The following FRMPD2 variants were observed in gnomAD, a reference collection of about 807,000 sequenced individuals.
FRMPD2 encodes FERM and PDZ domain-containing protein 2.
A neutral mutation model predicts 140.1 loss-of-function variants in FRMPD2; 96 were observed. The ratio of observed to expected loss-of-function variants is 0.69; its 90% CI spans 0.58 to 0.81. The LOEUF (loss-of-function observed/expected upper bound fraction) is 0.81. FRMPD2 is among the 40% of genes least tolerant of loss of function. FRMPD2 has a pLI of 0.00. For synonymous variants in FRMPD2, 449 were observed against 547.6 expected (o/e 0.82, Z 2.52); for missense variants, 1,240 against 1,447.4 (o/e 0.86, Z 2.32).
At chr10:48,228,311 T>C (rs185423236) in intron 10 of FRMPD2, among the ~76,000 whole-genome samples, 20 of 151,906 alleles carry the variant, frequency 1.3e-4, no homozygotes, top group Non-Finnish European at 2.8e-4. Context: ...GATTATGTTT[T>C]ATAAGATATA....
chr10:48,274,218 C>A (rs1012674897), intron 1 of FRMPD2, among the ~76,000 whole-genome samples: 6 of 152,106 alleles, frequency 3.9e-5, no homozygotes, highest in African/African-American at 1.4e-4. Context: ...GTAAGAAAAA[C>A]GAGTCTTAGG....
chr10:48,187,376 C>A, intron 16 of FRMPD2, 84 bp from the exon 17 acceptor site: 5 of 1,141,840 alleles, frequency 4.4e-6, no homozygotes, highest in Non-Finnish European at 5.2e-6. Flanking sequence ...AGGGAGGCAA[C>A]TTCTTGGCAT....
chr10:48,257,515 A>T (rs1840512301), intron 1 of FRMPD2, among the ~76,000 whole-genome samples: 1 of 152,042 alleles, frequency 6.6e-6, no homozygotes, highest in Non-Finnish European at 1.5e-5. Flanking sequence ...CCTCACCTCA[A>T]GTGATCCGCT....
intron 21 of FRMPD2, among the ~76,000 whole-genome samples, chr10:48,178,481 A>G (rs1398794807): frequency 2.0e-5 from 3 of 152,176 alleles, no homozygotes; most frequent in Non-Finnish European, 4.4e-5. Flanking sequence ...TCTAATCACC[A>G]TGAATGTTAG....
At chr10:48,249,423 T>C (rs751226218) in intron 2 of FRMPD2, among the ~76,000 whole-genome samples, 1 of 152,154 alleles carries the variant, frequency 6.6e-6, no homozygotes, top group Non-Finnish European at 1.5e-5. Flanking sequence ...CCCAAGAGTC[T>C]CAAGGTAAAA....
chr10:48,252,357 C>T (rs1840404863), intron 1 of FRMPD2, among the ~76,000 whole-genome samples: 1 of 152,166 alleles, frequency 6.6e-6, no homozygotes, highest in Non-Finnish European at 1.5e-5. Context: ...TGTCTATCTC[C>T]CTGACAAAGC....
chr10:48,174,529 G>A (rs563651616), intron 24 of FRMPD2, among the ~76,000 whole-genome samples: 4,556 of 151,754 alleles, frequency 0.03, 209 homozygotes, highest in African/African-American at 0.1. Context: ...CAGGGCCAGC[G>A]GGGCTGGGGC....
intron 15 of FRMPD2, among the ~76,000 whole-genome samples, chr10:48,193,949 G>A (rs993878034): frequency 6.6e-6 from 1 of 152,150 alleles, no homozygotes; most frequent in African/African-American, 2.4e-5. Context: ...GCATGCATGA[G>A]GCACTATGGT....
Position 48,206,842 on chromosome 10 carries a change from C to T in FRMPD2, c.1703G>A (p.Cys568Tyr). The T allele has an allele frequency of 6.2e-7, 1 of 1,613,988 alleles. No homozygotes were observed. The highest frequency in any genetic ancestry group is 8.5e-7 in the Non-Finnish European group (1 of 1,179,854). ...TTCATAGACTATGACACCCTTGGCA[C>T]AGATCCCCAGGGCCATCTCCTCTTC... Reference protein sequence around the residue: ...RPEEEMALGICAKGVIVYEVK... With the variant: ...RPEEEMALGIYAKGVIVYEVK... The change falls in exon 14 of 29, where the codon TGT (cysteine) becomes TAT (tyrosine). Residue 568 changes from cysteine to tyrosine, a missense_variant. Physicochemically the swap from Cys to Tyr is radical, Grantham distance 194 (BLOSUM62 -2). Transcript: ENST00000374201.
chr10:48,266,683 A>T (rs540839599), intron 1 of FRMPD2, among the ~76,000 whole-genome samples: 1 of 152,378 alleles, frequency 6.6e-6, no homozygotes, highest in South Asian at 2.1e-4. Context: ...TTTCTTCCAC[A>T]CAGTCAGTTC....
intron 12 of FRMPD2, among the ~76,000 whole-genome samples, chr10:48,222,028 G>GGATA (rs1691924995): frequency 1.5e-5 from 2 of 131,760 alleles, no homozygotes; most frequent in African/African-American, 5.6e-5. Flanking sequence ...ATGGATAGAT[G>GGATA]GATGGATATA....
Position 48,206,785 on chromosome 10 carries a change from C to A in FRMPD2, c.1760G>T (p.Arg587Leu), listed in dbSNP as rs537706878. Residue 587 changes from arginine (R) to leucine (L), a missense_variant, in exon 14 of 29, where the codon CGG becomes CTG. Arg to Leu is a moderately radical substitution (Grantham distance 102). This residue lies in a region of FRMPD2 where 1,161 missense variants were observed against 1,055.9 expected (regional missense o/e 1.10). Coordinates refer to ENST00000374201, the MANE Select transcript of FRMPD2 (RefSeq NM_001018071.4). ...VKNNSRIAML[R>L]FQWRETGKIS... is the part of the protein sequence containing the mutation. ...CTTCCCGGTTTCTCTCCACTGAAAC[C>A]GTAACATTGCAATTCTGCTGTTGTT... 1.2e-6 allele frequency: 2 copies of A among 1,613,936 alleles called. No homozygotes were observed. The highest frequency in any genetic ancestry group is 2.7e-5 in the African/African-American group (2 of 74,908).
intron 23 of FRMPD2, 124 bp downstream of exon 23, chr10:48,175,722 C>A: frequency 1.5e-6 from 1 of 678,116 alleles, no homozygotes; most frequent in South Asian, 1.7e-5. Flanking sequence ...CCTGGGGAGG[C>A]AATCATTTGC....
At chr10:48,246,212 C>T (rs1167805322) in intron 3 of FRMPD2, among the ~76,000 whole-genome samples, 1 of 152,208 alleles carries the variant, frequency 6.6e-6, no homozygotes, top group Non-Finnish European at 1.5e-5. Context: ...CAAGGCTGGT[C>T]TTCCCACACG....
chr10:48,215,927 A>G (rs1438128286), intron 12 of FRMPD2, among the ~76,000 whole-genome samples: 1 of 152,206 alleles, frequency 6.6e-6, no homozygotes, highest in African/African-American at 2.4e-5. Flanking sequence ...CATGACTGAC[A>G]GTTAAATCCA....
chr10:48,253,143 C>T (rs962655967), intron 1 of FRMPD2, among the ~76,000 whole-genome samples: 17 of 152,126 alleles, frequency 1.1e-4, no homozygotes, highest in Admixed American at 7.2e-4. Context: ...GACAAAAATG[C>T]ATTAAAAGTC....
chr10:48,245,093 G>T (rs1206099576), intron 3 of FRMPD2, among the ~76,000 whole-genome samples: 2 of 152,192 alleles, frequency 1.3e-5, no homozygotes, highest in East Asian at 3.9e-4. Context: ...CTGTTAGGGG[G>T]CTTCTGATAA....
Position 48,184,801 on chromosome 10 carries a change from C to G in FRMPD2, c.2440G>C (p.Ala814Pro). The change falls in exon 19 of 29, where the codon GCA (alanine) becomes CCA (proline). Residue 814 changes from alanine to proline, a missense_variant. Around this residue, in one of 6 missense-constraint regions of FRMPD2, gnomAD observed 1,161 missense variants for 1,055.9 expected, o/e 1.10. Coordinates refer to ENST00000374201, the MANE Select transcript of FRMPD2 (RefSeq NM_001018071.4). ...GGTTTGATCGTTTTTGCTTTTTCTG[C>G]TGGTCCTCCAGGTATAATAGAAGAT... is the stretch of plus-strand genomic sequence containing the variant. ...FISSIIPGGP[A>P]EKAKTIKPGG... 1 of 1,613,602 alleles carries G rather than the reference C, an allele frequency of 6.2e-7. No homozygotes were observed. The highest frequency in any genetic ancestry group is 8.5e-7 in the Non-Finnish European group (1 of 1,179,822).
rs1288179996 is a variant in FRMPD2 at position 48,251,733 on chromosome 10, C to G, written c.26-42G>C. On this transcript the variant is annotated intron_variant, in intron 1 of 28. Coordinates refer to ENST00000374201, the MANE Select transcript of FRMPD2 (RefSeq NM_001018071.4). ...CATGTGACAGGGCCTCTGCAATGTC[C>G]AGGAACATGTCCGGGCCCGTACTCG... 30 of 1,609,844 alleles carry G rather than the reference C, an allele frequency of 1.9e-5. 1 individual carries two copies. Among genetic ancestry groups the G allele is most frequent in the Non-Finnish European group, 2.5e-5 (29 of 1,176,662 alleles).
Sources: gnomAD v4.1 joint callset for allele counts (sites outside exome capture counted in the v4.1 genomes callset) on GRCh38, gnomAD v4.1.1 for gene constraint, gnomAD v4.1.1 regional missense constraint, MANE v1.5 for transcripts, NCBI Gene and HGNC (gene_info 2026-07-23, HGNC 2026-07-21) for gene names.